Variants in SCUBE3 observed in about 807,000 individuals in gnomAD.
SCUBE3 encodes signal peptide, CUB domain and EGF like domain containing 3.
In SCUBE3, 33 loss-of-function variants were observed where a neutral mutation model predicts 116.8. The observed-to-expected ratio is 0.28, with a 90% CI of 0.21 to 0.38. The LOEUF (loss-of-function observed/expected upper bound fraction) is 0.38, where lower values mean the gene tolerates loss of function less well. Ranked by LOEUF, SCUBE3 falls within the 10% of genes least tolerant of loss-of-function variation. The pLI is 1.00. For missense variants in SCUBE3, 1,007 were observed against 1,324.8 expected (o/e 0.76, Z 3.72); for synonymous variants, 418 against 496.9 (o/e 0.84, Z 2.11).
rs1354749580 is a variant in SCUBE3 at position 35,235,483 on chromosome 6, C to T, written c.712+2182C>T. The T allele has an allele frequency of 7.8e-6, 10 of 1,286,164 alleles. No individual in the cohort carries two copies. In the African/African-American group the frequency reaches 1.2e-4, roughly 16 times the overall value. 79.7% of individuals were successfully genotyped at this position (1,286,164 alleles called of 1,614,324 possible). On this transcript the variant is annotated intron_variant, in intron 6 of 21. Transcript: ENST00000274938. This position sits in a 1 kb window ranked among gnomAD's most constrained non-coding sequence, Gnocchi z 4.5. Reference sequence around the variant, plus strand: ...TAGAGCAGCACATCCCCACTCAAGCCGTTTCTAATGGTAAATATGTCTGCT... The same window carrying T: ...TAGAGCAGCACATCCCCACTCAAGCTGTTTCTAATGGTAAATATGTCTGCT...
At chr6:35,234,382 C>T (rs1477384460) in intron 6 of SCUBE3, among the ~76,000 whole-genome samples, 1 of 152,132 alleles carries the variant, frequency 6.6e-6, no homozygotes, top group Non-Finnish European at 1.5e-5. Context: ...TTTCCAGGGA[C>T]CTGTCCCTTT....
chr6:35,235,871 G>A lies in SCUBE3; in HGVS notation c.713-2031G>A, dbSNP rs1255563105. Among the ~76,000 whole-genome samples the A allele has an allele frequency of 6.6e-6, 1 of 152,038 alleles. No individual in the cohort carries two copies. The highest frequency in any genetic ancestry group is 2.4e-5 in the African/African-American group (1 of 41,402). On this transcript the variant is annotated intron_variant, in intron 6 of 21. Coordinates refer to ENST00000274938, the MANE Select transcript of SCUBE3 (RefSeq NM_152753.4). The surrounding 1 kb of genome is among the most constrained non-coding windows in gnomAD (Gnocchi z 4.5). ...GCCCACTGTGCCACCTGAGATAGGGGTGCGATAGGATTAGATGCCATCCCC... is the reference window on the plus strand; with the variant it reads ...GCCCACTGTGCCACCTGAGATAGGGATGCGATAGGATTAGATGCCATCCCC...
chr6:35,241,669 A>G lies in SCUBE3; in HGVS notation c.1312+10A>G. On this transcript the variant is annotated intron_variant, in intron 11 of 21. Transcript: ENST00000274938. This position sits in a 1 kb window ranked among gnomAD's most constrained non-coding sequence, Gnocchi z 4.1. ...GCCCGATTTTTGCCAGGTACATGGG[A>G]GGAGGGTGCTGGAGAGCTTTGGAGG... is the stretch of plus-strand genomic sequence containing the variant. The G allele has an allele frequency of 6.3e-7, 1 of 1,587,966 alleles. No individual in the cohort carries two copies. Among genetic ancestry groups the G allele is most frequent in the Admixed American group, 1.7e-5 (1 of 59,992 alleles).
chr6:35,225,377 G>A (rs1013978875), intron 1 of SCUBE3, among the ~76,000 whole-genome samples: 1 of 152,212 alleles, frequency 6.6e-6, no homozygotes, highest in Non-Finnish European at 1.5e-5. Context: ...CTGTTTATCA[G>A]TTGGACAAAC....
intron 21 of SCUBE3, among the ~76,000 whole-genome samples, chr6:35,246,570 A>T (rs975417685): frequency 6.6e-6 from 1 of 152,234 alleles, no homozygotes; most frequent in African/African-American, 2.4e-5. Context: ...AGGGAAAGTG[A>T]GGAGAAGAAA....
chr6:35,226,328 G>T (rs530934231), intron 1 of SCUBE3, among the ~76,000 whole-genome samples: 1 of 152,170 alleles, frequency 6.6e-6, no homozygotes, highest in African/African-American at 2.4e-5. Flanking sequence ...TGGCTGGGCT[G>T]AGTCACCTTT....
chr6:35,231,153 G>T lies in SCUBE3; in HGVS notation c.335-572G>T, dbSNP rs1224524823. Among the ~76,000 whole-genome samples, 2 of 152,146 alleles carry T rather than the reference G, an allele frequency of 1.3e-5. No individual in the cohort carries two copies. Among genetic ancestry groups the T allele is most frequent in the Non-Finnish European group, 2.9e-5 (2 of 68,022 alleles). The stretch of plus-strand genomic sequence containing the variant: ...TGGCAGCAAGCCCAGGCACAGGGGG[G>T]AGGGGAGGAAGGACAGGGCTGTGGC... On this transcript the variant is annotated intron_variant, in intron 3 of 21. Coordinates refer to ENST00000274938, the MANE Select transcript of SCUBE3 (RefSeq NM_152753.4). The surrounding 1 kb of genome is among the most constrained non-coding windows in gnomAD (Gnocchi z 4.2).
At position 35,241,001 on chromosome 6, in the gene SCUBE3, C is replaced by T. The variant is rs1440080384; in HGVS notation, c.1070-140C>T. ...ATGTGCCTATAGGCACACTGTTGTA[C>T]AGTAGATCTCTCGAACTTATTCATC... On this transcript the variant is annotated intron_variant, in intron 9 of 21. Transcript: ENST00000274938. The surrounding 1 kb of genome is among the most constrained non-coding windows in gnomAD (Gnocchi z 4.1). The T allele has an allele frequency of 7.8e-6, 6 of 767,154 alleles. No homozygotes were observed. The highest frequency in any genetic ancestry group is 5.2e-5 in the African/African-American group (3 of 58,100). The allele number at this position is 767,154 out of a possible 1,614,324, so 47.5% of individuals were successfully genotyped here. A position where few individuals can be genotyped will look rare whatever the true frequency, so the allele number is the denominator to read the frequency against.
chr6:35,242,902 C>A, intron 14 of SCUBE3, 119 bp from the exon 15 acceptor site: 1 of 1,500,336 alleles, frequency 6.7e-7, no homozygotes. Context: ...CTGCCTGGTG[C>A]CAAGCCTAAA....
Position 35,243,574 on chromosome 6 carries a change from C to T in SCUBE3, c.1910-20C>T, listed in dbSNP as rs781314046. ...GGGAAATGCGGGGGTGGGTGGCTAGCGCGGCCGACTCTCCCTCAGTCAGCT... is the reference window on the plus strand; with the variant it reads ...GGGAAATGCGGGGGTGGGTGGCTAGTGCGGCCGACTCTCCCTCAGTCAGCT... On this transcript the variant is annotated intron_variant, in intron 15 of 21. Transcript: ENST00000274938. This position sits in a 1 kb window ranked among gnomAD's most constrained non-coding sequence, Gnocchi z 6.6. 5.7e-6 allele frequency: 9 copies of T among 1,572,882 alleles called. No homozygotes were observed. Among genetic ancestry groups the T allele is most frequent in the Admixed American group, 3.6e-5 (2 of 55,998 alleles).
At chr6:35,242,922 C>T in intron 14 of SCUBE3, 99 bp from the exon 15 acceptor site, 2 of 1,491,176 alleles carry the variant, frequency 1.3e-6, no homozygotes, top group Non-Finnish European at 1.9e-6. Context: ...AAGCTAGTCC[C>T]TCTTACCATG....
intron 6 of SCUBE3, among the ~76,000 whole-genome samples, chr6:35,236,243 G>A (rs1478806993): frequency 6.6e-6 from 1 of 152,140 alleles, no homozygotes; most frequent in Non-Finnish European, 1.5e-5. Context: ...AGACTATATG[G>A]TCCTGCTGCC....
rs1398149596 is a variant in SCUBE3 at position 35,250,811 on chromosome 6, C to T, written c.*2106C>T. 1 of 151,730 alleles carries T rather than the reference C, an allele frequency of 6.6e-6. No individual in the cohort carries two copies. Among genetic ancestry groups the T allele is most frequent in the Non-Finnish European group, 1.5e-5 (1 of 67,984 alleles). The allele number at this position is 151,730 out of a possible 1,614,324, so 9.4% of individuals were successfully genotyped here. A position where few individuals can be genotyped will look rare whatever the true frequency, so the allele number is the denominator to read the frequency against. On this transcript the variant is annotated 3_prime_UTR_variant, in exon 22 of 22. Transcript: ENST00000274938. ...CCTAGGCTACTGCTCCCCCAGGAGACTCAACACTAAATAAAGGAGTCTGAC... is the reference window on the plus strand; with the variant it reads ...CCTAGGCTACTGCTCCCCCAGGAGATTCAACACTAAATAAAGGAGTCTGAC...
At position 35,245,494 on chromosome 6, in the gene SCUBE3, G is replaced by A. The variant is rs1184027414; in HGVS notation, c.2599+69G>A. ...CTGGTTAAGGCGGAGAACAAAGAGAGAGACTGATACAGGAAGAAATGGGGC... is the reference window on the plus strand; with the variant it reads ...CTGGTTAAGGCGGAGAACAAAGAGAAAGACTGATACAGGAAGAAATGGGGC... On this transcript the variant is annotated intron_variant, in intron 19 of 21. Coordinates refer to ENST00000274938, the MANE Select transcript of SCUBE3 (RefSeq NM_152753.4). This position sits in a 1 kb window ranked among gnomAD's most constrained non-coding sequence, Gnocchi z 4.2. 23 of 1,310,700 alleles carry A rather than the reference G, an allele frequency of 1.8e-5. No individual in the cohort carries two copies. The highest frequency in any genetic ancestry group is 2.4e-5 in the Non-Finnish European group (22 of 906,562). 81.2% of individuals were successfully genotyped at this position (1,310,700 alleles called of 1,614,324 possible).
Position 35,240,555 on chromosome 6 carries a change from C to A in SCUBE3, c.1069+65C>A. 1.3e-6 allele frequency: 1 copy of A among 784,806 alleles called. No individual in the cohort carries two copies. Among genetic ancestry groups the A allele is most frequent in the Non-Finnish European group, 2.1e-6 (1 of 472,454 alleles). The allele number at this position is 784,806 out of a possible 1,614,324, so 48.6% of individuals were successfully genotyped here. A position where few individuals can be genotyped will look rare whatever the true frequency, so the allele number is the denominator to read the frequency against. ...CTCACCTCTTCACCCTCCAATTGAACAGGTCCTTGTGTTGGCTTGTGGCTA... is the reference window on the plus strand; with the variant it reads ...CTCACCTCTTCACCCTCCAATTGAAAAGGTCCTTGTGTTGGCTTGTGGCTA... On this transcript the variant is annotated intron_variant, in intron 9 of 21. Transcript: ENST00000274938. This position sits in a 1 kb window ranked among gnomAD's most constrained non-coding sequence, Gnocchi z 4.6.
At position 35,244,866 on chromosome 6, in the gene SCUBE3, A is replaced by G; in HGVS notation, c.2401+55A>G. 6.4e-7 allele frequency: 1 copy of G among 1,569,610 alleles called. No individual in the cohort carries two copies. The highest frequency in any genetic ancestry group is 8.8e-7 in the Non-Finnish European group (1 of 1,142,714). On this transcript the variant is annotated intron_variant, in intron 18 of 21. Transcript: ENST00000274938. This position sits in a 1 kb window ranked among gnomAD's most constrained non-coding sequence, Gnocchi z 4.3. ...GAGGAGAGAGGCCTGGGAGCAGTGG[A>G]CATCTAAAGGAGGGGTGTGAAACCA...
At position 35,244,583 on chromosome 6, in the gene SCUBE3, C is replaced by A; in HGVS notation, c.2240-67C>A. 7.9e-7 allele frequency: 1 copy of A among 1,265,816 alleles called. No homozygotes were observed. Among genetic ancestry groups the A allele is most frequent in the South Asian group, 1.2e-5 (1 of 80,460 alleles). The allele number at this position is 1,265,816 out of a possible 1,614,324, so 78.4% of individuals were successfully genotyped here. A position where few individuals can be genotyped will look rare whatever the true frequency, so the allele number is the denominator to read the frequency against. On this transcript the variant is annotated intron_variant, in intron 17 of 21. Coordinates refer to ENST00000274938, the MANE Select transcript of SCUBE3 (RefSeq NM_152753.4). This position sits in a 1 kb window ranked among gnomAD's most constrained non-coding sequence, Gnocchi z 4.3. ...ATTCTCCAGGATGAATGTATCCTGT[C>A]CATCCCATGCCCCGTAACTCCCACC... is the stretch of plus-strand genomic sequence containing the variant.
Position 35,219,823 on chromosome 6 carries a change from G to A in SCUBE3, c.85+5320G>A, listed in dbSNP as rs1247455038. ...AGTTTTCCTCTGGCGGTTTGAAGCTGTTAACAGCAGGAACCTGTATCCCTG... is the reference window on the plus strand; with the variant it reads ...AGTTTTCCTCTGGCGGTTTGAAGCTATTAACAGCAGGAACCTGTATCCCTG... On this transcript the variant is annotated intron_variant, in intron 1 of 21. Coordinates refer to ENST00000274938, the MANE Select transcript of SCUBE3 (RefSeq NM_152753.4). This position sits in a 1 kb window ranked among gnomAD's most constrained non-coding sequence, Gnocchi z 4.7. Among the ~76,000 whole-genome samples the A allele has an allele frequency of 6.6e-6, 1 of 152,168 alleles. No individual in the cohort carries two copies. Among genetic ancestry groups the A allele is most frequent in the African/African-American group, 2.4e-5 (1 of 41,426 alleles).
chr6:35,238,001 A>G lies in SCUBE3; in HGVS notation c.812A>G (p.Asp271Gly). The change falls in exon 7 of 22, where the codon GAC becomes GGC. Residue 271 changes from aspartate to glycine, a missense_variant. Transcript: ENST00000274938. ...CCTGTGGGCTTCATGCTGCAGCCAG[A>G]CAGGAAGACGTGCAAAGGTAAGGAC... ...TCPVGFMLQPDRKTCKDIDEC... is the reference protein window; with the variant it reads ...TCPVGFMLQPGRKTCKDIDEC... The G allele has an allele frequency of 2.5e-6, 4 of 1,603,740 alleles. No individual in the cohort carries two copies. In the African/African-American group the frequency reaches 5.3e-5, roughly 21 times the overall value.
Sources: gnomAD v4.1 joint callset for allele counts (sites outside exome capture counted in the v4.1 genomes callset) on GRCh38, gnomAD v4.1.1 for gene constraint, Gnocchi (gnomAD v3.1) non-coding constraint, MANE v1.5 for transcripts, NCBI Gene and HGNC (gene_info 2026-07-23, HGNC 2026-07-21) for gene names.